ERCC6: variants seen among roughly 807,000 people sequenced by gnomAD.
ERCC6 encodes the protein DNA excision repair protein ERCC-6.
ERCC6 carries 116 observed loss-of-function variants against 158.7 expected under a neutral mutation model. That is an observed-to-expected ratio of 0.73 (90% CI 0.63 to 0.85). The LOEUF (loss-of-function observed/expected upper bound fraction) is 0.85, where lower values mean the gene tolerates loss of function less well. Among genes scored for constraint, ERCC6 ranks in the 40% least tolerant of loss-of-function variants. The probability of loss-of-function intolerance (pLI) is 0.00; values close to 1 mark genes in which losing one functional copy is unlikely to be tolerated. For synonymous variants in ERCC6, 678 were observed against 659.3 expected (o/e 1.03, Z -0.43); for missense variants, 1,698 against 1,799.4 (o/e 0.94, Z 1.02).
intron 8 of ERCC6, among the ~76,000 whole-genome samples, 171 bp from the exon 9 acceptor site, chr10:49,483,687 GCTGA>G (rs1427974726): frequency 1.8e-4 from 27 of 152,064 alleles, no homozygotes; most frequent in African/African-American, 5.5e-4. Context: ...AGTAGTAAAC[GCTGA>G]CTAATACAGC....
chr10:49,515,850 G>A, intron 5 of ERCC6: 1 of 1,614,140 alleles, frequency 6.2e-7, no homozygotes, highest in Middle Eastern at 1.6e-4. Context: ...ACCAGATGAG[G>A]CAACAGTGAC....
At chr10:49,482,557 T>TTA in intron 10 of ERCC6, 130 bp downstream of exon 10, 3 of 668,276 alleles carry the variant, frequency 4.5e-6, no homozygotes, top group South Asian at 2.4e-5. Context: ...TTTTTTTTTT[T>TTA]AACCAGATAC....
intron 3 of ERCC6, 112 bp from the exon 4 acceptor site, chr10:49,528,637 T>C: frequency 7.5e-7 from 1 of 1,325,886 alleles, no homozygotes; most frequent in Non-Finnish European, 1.0e-6. Context: ...ATAAAAATAA[T>C]ATACATTACA....
At chr10:49,529,361 T>C (rs1407242357) in intron 3 of ERCC6, among the ~76,000 whole-genome samples, 2 of 152,208 alleles carry the variant, frequency 1.3e-5, no homozygotes, top group African/African-American at 4.8e-5. Flanking sequence ...CCTCTAACCA[T>C]CAAAGAGCTG....
intron 7 of ERCC6, among the ~76,000 whole-genome samples, chr10:49,494,492 G>T (rs183820604): frequency 6.6e-6 from 1 of 152,088 alleles, no homozygotes; most frequent in East Asian, 1.9e-4. Context: ...AGAAAAACTG[G>T]TTGTGGCCAT....
At chr10:49,476,890 C>G (rs573850458) in intron 11 of ERCC6, among the ~76,000 whole-genome samples, 1 of 152,164 alleles carries the variant, frequency 6.6e-6, no homozygotes, top group Non-Finnish European at 1.5e-5. Context: ...CATTTAGCCA[C>G]CCCTCTGCCA....
rs773581901 is a variant in ERCC6, at chr10:49,524,622, C to T, written c.808G>A (p.Gly270Ser). Residue 270 changes from glycine to serine, a missense_variant, in exon 5 of 21, where the codon GGC becomes AGC. Physicochemically the swap from Gly to Ser is moderately conservative, Grantham distance 56. Coordinates refer to ENST00000355832, the MANE Select transcript of ERCC6 (RefSeq NM_000124.4). The stretch of plus-strand genomic sequence containing the variant: ...TGATCTGCCAAATACTTTTCGAAGC[C>T]TGATGCTTCATTAAGCATGATTTTT... ...PRKIMLNEAS[G>S]FEKYLADQAK... is the part of the protein sequence containing the mutation. 5 of 1,614,052 alleles carry T rather than the reference C, an allele frequency of 3.1e-6. No individual in the cohort carries two copies. Among genetic ancestry groups the T allele is most frequent in the Non-Finnish European group, 4.2e-6 (5 of 1,180,040 alleles).
chr10:49,528,330 G>A, intron 4 of ERCC6, 87 bp downstream of exon 4: 1 of 1,513,626 alleles, frequency 6.6e-7, no homozygotes, highest in South Asian at 1.1e-5. Context: ...TCAAAACCCA[G>A]GCAAAGACTA....
At chr10:49,534,181 C>T (rs981857909) in intron 1 of ERCC6, among the ~76,000 whole-genome samples, 2 of 140,894 alleles carry the variant, frequency 1.4e-5, no homozygotes, top group Non-Finnish European at 3.1e-5. Context: ...TTTTAATACA[C>T]AGTATAATTT....
In ERCC6 at chr10:49,457,246, C is replaced by T. The variant is rs1850498330; in HGVS notation, c.*1569G>A. ...AGACTTATTGGCCTATTTAAAAATT[C>T]TTTCTATGACTTCTAAACAATGATG... On this transcript the variant is annotated 3_prime_UTR_variant, in exon 21 of 21. Coordinates refer to ENST00000355832, the MANE Select transcript of ERCC6 (RefSeq NM_000124.4). The T allele has an allele frequency of 6.6e-6, 1 of 152,154 alleles. No homozygotes were observed. The highest frequency in any genetic ancestry group is 2.4e-5 in the African/African-American group (1 of 41,444). The allele number at this position is 152,154 out of a possible 1,614,324, so 9.4% of individuals were successfully genotyped here. A position where few individuals can be genotyped will look rare whatever the true frequency, so the allele number is the denominator to read the frequency against.
Position 49,458,599 on chromosome 10 carries a change from A to T in ERCC6, c.*216T>A. On this transcript the variant is annotated 3_prime_UTR_variant, in exon 21 of 21. Coordinates refer to ENST00000355832, the MANE Select transcript of ERCC6 (RefSeq NM_000124.4). Reference sequence around the variant, plus strand: ...TAGATTGCCAAAAAAAAAAAAATCAATCCAAGTATTTTCTCCTTTAGCTAG... The same window carrying T: ...TAGATTGCCAAAAAAAAAAAAATCATTCCAAGTATTTTCTCCTTTAGCTAG... 1.8e-6 allele frequency: 1 copy of T among 565,962 alleles called. No individual in the cohort carries two copies. Among genetic ancestry groups the T allele is most frequent in the Non-Finnish European group, 3.1e-6 (1 of 324,344 alleles). 35.1% of individuals were successfully genotyped at this position (565,962 alleles called of 1,614,324 possible). A position where few individuals can be genotyped will look rare whatever the true frequency, so the allele number is the denominator to read the frequency against.
chr10:49,495,841 T>TCCTCTCTCA (rs1234382920), intron 7 of ERCC6, among the ~76,000 whole-genome samples: 1 of 152,182 alleles, frequency 6.6e-6, no homozygotes, highest in East Asian at 1.9e-4. Flanking sequence ...CCAGCCACTC[T>TCCTCTCTCA]CCTCTCTCAT....
chr10:49,456,655 T>C lies in ERCC6; in HGVS notation c.*2160A>G, dbSNP rs1850488293. ...GTGATAGTATTAACATTTAATTTTT[T>C]GACAAAATTTTAAAATCCTTTATTT... On this transcript the variant is annotated 3_prime_UTR_variant, in exon 21 of 21. Transcript: ENST00000355832. 1 of 152,264 alleles carries C rather than the reference T, an allele frequency of 6.6e-6. No individual in the cohort carries two copies. Among genetic ancestry groups the C allele is most frequent in the South Asian group, 2.1e-4 (1 of 4,836 alleles). 9.4% of individuals were successfully genotyped at this position (152,264 alleles called of 1,614,324 possible). A position where few individuals can be genotyped will look rare whatever the true frequency, so the allele number is the denominator to read the frequency against.
In ERCC6 at chr10:49,537,502, T is replaced by TAC. The variant is rs1157343253; in HGVS notation, c.-15+1458_-15+1459dup. On this transcript the variant is annotated intron_variant, in intron 1 of 20. Transcript: ENST00000355832. ...CATTTAAAAACTATATATATATATA[T>TAC]ACACATACACACACACACACACACA... Among the ~76,000 whole-genome samples, 402 of 128,904 alleles carry TAC rather than the reference T, an allele frequency of 3.1e-3. 3 individuals are homozygous for TAC. The highest frequency in any genetic ancestry group is 0.02 in the Middle Eastern group (5 of 244). The allele number at this position is 128,904 out of a possible 152,430, so 84.6% of individuals were successfully genotyped here. A position where few individuals can be genotyped will look rare whatever the true frequency, so the allele number is the denominator to read the frequency against.
At chr10:49,460,080 T>C in intron 20 of ERCC6, 1 of 470,248 alleles carries the variant, frequency 2.1e-6, no homozygotes, top group Non-Finnish European at 3.9e-6. Context: ...GCACTTTCCC[T>C]CTAGACAAGG....
chr10:49,451,661 G>A (rs1037518747), downstream of ERCC6, among the ~76,000 whole-genome samples: 1 of 152,064 alleles, frequency 6.6e-6, no homozygotes, highest in African/African-American at 2.4e-5. Context: ...TGCTGGATTT[G>A]GTTTGCAGCA....
intron 5 of ERCC6, among the ~76,000 whole-genome samples, chr10:49,522,130 T>G (rs993314413): frequency 6.6e-6 from 1 of 152,220 alleles, no homozygotes; most frequent in African/African-American, 2.4e-5. Flanking sequence ...TGTTGTAAAC[T>G]CTATGACTTT....
In ERCC6 at chr10:49,476,322, A is replaced by G. The variant is rs1450276844; in HGVS notation, c.2287-12T>C. On this transcript the variant is annotated splice_polypyrimidine_tract_variant and intron_variant, in intron 11 of 20. Transcript: ENST00000355832. ...CGGCAAAATAAGACCTACGGACGGGAAAAACAAGGAAACTATAATTTCAAA... is the reference window on the plus strand; with the variant it reads ...CGGCAAAATAAGACCTACGGACGGGGAAAACAAGGAAACTATAATTTCAAA... 12 of 1,564,178 alleles carry G rather than the reference A, an allele frequency of 7.7e-6. No individual in the cohort carries two copies. The African/African-American group carries it at 1.4e-4, about 18-fold the overall frequency.
chr10:49,449,931 G>A (rs576650456), downstream of ERCC6, among the ~76,000 whole-genome samples: 330 of 152,000 alleles, frequency 2.2e-3, no homozygotes, highest in Non-Finnish European at 3.3e-3. Flanking sequence ...GGAGTACAGT[G>A]GCATGCTCAT....
Sources: gnomAD v4.1 joint callset for allele counts (sites outside exome capture counted in the v4.1 genomes callset) on GRCh38, gnomAD v4.1.1 for gene constraint, MANE v1.5 for transcripts, NCBI Gene and HGNC (gene_info 2026-07-23, HGNC 2026-07-21) for gene names.